ERP44: variants seen among roughly 807,000 people sequenced by gnomAD.
ERP44 encodes endoplasmic reticulum resident protein 44.
Under a neutral mutation model 53.4 loss-of-function variants are expected in ERP44, and 25 were observed. The ratio of observed to expected loss-of-function variants is 0.47; its 90% CI spans 0.34 to 0.65. ERP44 has a LOEUF of 0.65. ERP44 is among the 30% of genes least tolerant of loss of function. The pLI is 0.01. For missense variants in ERP44, 338 were observed against 493.2 expected, an observed-to-expected ratio of 0.69 and a Z score of 2.98; for synonymous variants, 145 against 161.2, an observed-to-expected ratio of 0.90 and a Z score of 0.76.
chr9:100,041,566 G>A (rs1587971919), intron 4 of ERP44, among the ~76,000 whole-genome samples: 1 of 152,118 alleles, frequency 6.6e-6, no homozygotes, highest in South Asian at 2.1e-4. Flanking sequence ...TACTTGGGAG[G>A]CTGAGGCAGA....
chr9:99,979,915 T>C lies in ERP44; in HGVS notation c.*2697A>G, dbSNP rs902797770. On this transcript the variant is annotated 3_prime_UTR_variant, in exon 12 of 12. Transcript: ENST00000262455. ...TGATGGATCTCTTCTGCCTACAATA[T>C]ATACTACAAACCCCTTAGTCTGGCA... The C allele has an allele frequency of 2.0e-5, 8 of 398,386 alleles. No individual in the cohort carries two copies. The highest frequency in any genetic ancestry group is 2.7e-5 in the Non-Finnish European group (6 of 225,962). 24.7% of individuals were successfully genotyped at this position (398,386 alleles called of 1,614,324 possible). A position where few individuals can be genotyped will look rare whatever the true frequency, so the allele number is the denominator to read the frequency against.
At chr9:100,032,124 T>C (rs1436333741) in intron 4 of ERP44, among the ~76,000 whole-genome samples, 1 of 152,144 alleles carries the variant, frequency 6.6e-6, no homozygotes, top group Non-Finnish European at 1.5e-5. Flanking sequence ...CCTCTTTTTT[T>C]TGGGATCCAG....
rs1449115233 is a variant in ERP44, at chr9:100,068,098, C to T, written c.58-7926G>A. ...GAGGTGGGGGAGTCAGCCCCCCGCC[C>T]GGCCAGCTGCCCCATCCAGGAGGTG... is the stretch of plus-strand genomic sequence containing the variant. On this transcript the variant is annotated intron_variant, in intron 1 of 11. Transcript: ENST00000262455. 8.7e-4 allele frequency among the ~76,000 whole-genome samples: 129 copies of T among 148,258 alleles called. 1 individual carries two copies. Among genetic ancestry groups the T allele is most frequent in the South Asian group, 2.8e-3 (13 of 4,654 alleles).
chr9:100,029,524 T>C (rs977071485), intron 4 of ERP44, among the ~76,000 whole-genome samples: 3 of 152,168 alleles, frequency 2.0e-5, no homozygotes, highest in Non-Finnish European at 4.4e-5. Context: ...AAATAATTAA[T>C]ACTGCAGAGG....
At chr9:100,015,388 T>C (rs1830516700) in intron 8 of ERP44, among the ~76,000 whole-genome samples, 1 of 152,200 alleles carries the variant, frequency 6.6e-6, no homozygotes, top group South Asian at 2.1e-4. Flanking sequence ...ATGTCTTACA[T>C]AAAGTAAAGA....
At chr9:100,080,869 G>A (rs745890881) in intron 1 of ERP44, among the ~76,000 whole-genome samples, 1 of 152,024 alleles carries the variant, frequency 6.6e-6, no homozygotes, top group Non-Finnish European at 1.5e-5. Flanking sequence ...ATAAAGATGA[G>A]TATCCTGCCA....
chr9:100,068,602 G>C lies in ERP44; in HGVS notation c.58-8430C>G, dbSNP rs1462224489. On this transcript the variant is annotated intron_variant, in intron 1 of 11. Coordinates refer to ENST00000262455, the MANE Select transcript of ERP44 (RefSeq NM_015051.3). The stretch of plus-strand genomic sequence containing the variant: ...AGCCCCCAGCCCGGCCGGCTGCCCC[G>C]TCCGGGAGGGAGGTGGGGGGGTCAG... 6.4e-4 allele frequency among the ~76,000 whole-genome samples: 94 copies of C among 146,094 alleles called. 1 individual carries two copies. Among genetic ancestry groups the C allele is most frequent in the Non-Finnish European group, 2.9e-4 (19 of 65,582 alleles).
chr9:100,028,719 T>C (rs1329317882), intron 4 of ERP44, among the ~76,000 whole-genome samples: 2 of 152,196 alleles, frequency 1.3e-5, no homozygotes, highest in African/African-American at 2.4e-5. Flanking sequence ...CATCAATACT[T>C]GCAGAATGGG....
At chr9:100,059,466 G>A (rs920328381) in intron 2 of ERP44, among the ~76,000 whole-genome samples, 9 of 152,142 alleles carry the variant, frequency 5.9e-5, no homozygotes, top group African/African-American at 1.7e-4. Flanking sequence ...TGAGAGGACT[G>A]CTTGAGGTCA....
intron 10 of ERP44, among the ~76,000 whole-genome samples, chr9:100,001,693 G>C (rs80136126): frequency 2.0e-5 from 3 of 151,956 alleles, no homozygotes; most frequent in Non-Finnish European, 4.4e-5. Context: ...TTCACTTTTA[G>C]TCTACCTGTG....
intron 10 of ERP44, among the ~76,000 whole-genome samples, chr9:100,006,087 T>C (rs1464208401): frequency 1.3e-5 from 2 of 152,240 alleles, no homozygotes; most frequent in Admixed American, 6.5e-5. Flanking sequence ...CTAATGTTCT[T>C]GCTATGTGAA....
chr9:100,080,684 T>G (rs1826412710), intron 1 of ERP44, among the ~76,000 whole-genome samples: 1 of 152,132 alleles, frequency 6.6e-6, no homozygotes, highest in African/African-American at 2.4e-5. Flanking sequence ...AACGAGTAGT[T>G]TCTATGGATG....
At chr9:100,022,400 A>G (rs1366883552) in intron 4 of ERP44, among the ~76,000 whole-genome samples, 174 bp from the exon 5 acceptor site, 1 of 152,230 alleles carries the variant, frequency 6.6e-6, no homozygotes, top group Non-Finnish European at 1.5e-5. Flanking sequence ...ATTATTTAAG[A>G]GACCAGGTTC....
At chr9:100,040,376 C>G (rs1203534907) in intron 4 of ERP44, among the ~76,000 whole-genome samples, 1 of 152,096 alleles carries the variant, frequency 6.6e-6, no homozygotes, top group Non-Finnish European at 1.5e-5. Context: ...GCAGATCAAT[C>G]AATGTGATAC....
At chr9:100,098,250 AAACTCTATTCTCC>A (rs377392394) in intron 1 of ERP44, among the ~76,000 whole-genome samples, 3 of 152,298 alleles carry the variant, frequency 2.0e-5, no homozygotes, top group Non-Finnish European at 4.4e-5. Flanking sequence ...TCCACCCTTC[AAACTCTATTCTCC>A]CAGTGGAATC....
chr9:100,094,445 G>T (rs1396577608), intron 1 of ERP44, among the ~76,000 whole-genome samples: 1 of 152,120 alleles, frequency 6.6e-6, no homozygotes, highest in Non-Finnish European at 1.5e-5. Context: ...ATCACCTCAG[G>T]TCAGGAGTTT....
intron 4 of ERP44, 53 bp downstream of exon 4, chr9:100,052,364 G>T: frequency 2.5e-6 from 2 of 801,396 alleles, no homozygotes; most frequent in Non-Finnish European, 3.8e-6. Context: ...GTGTATGTGT[G>T]CCTGTGTTTG....
At chr9:100,038,899 A>G (rs1329234556) in intron 4 of ERP44, among the ~76,000 whole-genome samples, 2 of 152,210 alleles carry the variant, frequency 1.3e-5, no homozygotes, top group African/African-American at 4.8e-5. Flanking sequence ...ATAAGAAGAG[A>G]CAAAGAAGGT....
At chr9:99,986,054 G>A (rs1361131615) in intron 10 of ERP44, among the ~76,000 whole-genome samples, 1 of 152,218 alleles carries the variant, frequency 6.6e-6, no homozygotes, top group African/African-American at 2.4e-5. Flanking sequence ...ACAATGCACT[G>A]TAGCAGACAC....
Sources: allele counts gnomAD v4.1 joint callset (sites outside exome capture counted in the v4.1 genomes callset), GRCh38; gene constraint gnomAD v4.1.1; transcripts MANE v1.5; gene names NCBI Gene and HGNC (gene_info 2026-07-23, HGNC 2026-07-21).